NIBAN1: variants seen among roughly 807,000 people sequenced by gnomAD.
NIBAN1 encodes the protein niban apoptosis regulator 1.
In NIBAN1, 81 loss-of-function variants were observed where a neutral mutation model predicts 75.1. The observed-to-expected ratio is 1.08, with a 90% CI of 0.90 to 1.30. The LOEUF (loss-of-function observed/expected upper bound fraction) is 1.30. Ranked by LOEUF, NIBAN1 falls within the 50% of genes most tolerant of loss-of-function variation. The probability of loss-of-function intolerance (pLI) is 0.00; values close to 1 mark genes in which losing one functional copy is unlikely to be tolerated. For missense variants in NIBAN1, 1,133 were observed against 1,128.1 expected, an observed-to-expected ratio of 1.00 and a Z score of -0.06; for synonymous variants, 436 against 424.8, an observed-to-expected ratio of 1.03 and a Z score of -0.32.
intron 6 of NIBAN1, among the ~76,000 whole-genome samples, chr1:184,831,164 C>A (rs1261704991): frequency 1.3e-5 from 2 of 152,078 alleles, no homozygotes; most frequent in African/African-American, 2.4e-5. Flanking sequence ...TCCCTGGGAC[C>A]AAGCCCACTG....
At position 184,795,248 on chromosome 1, in the gene NIBAN1, G is replaced by A. The variant is rs745982422; in HGVS notation, c.2516C>T (p.Ser839Leu). The A allele has an allele frequency of 2.5e-6, 4 of 1,613,562 alleles. No homozygotes were observed. Among genetic ancestry groups the A allele is most frequent in the Non-Finnish European group, 3.4e-6 (4 of 1,180,052 alleles). Residue 839 changes from serine (S) to leucine (L), a missense_variant, in exon 14 of 14, where the codon TCA becomes TTA. Transcript: ENST00000367511. ...ACCTAAGGTGCAGCCCTCTTGCTGTGAGGCATCCCCTTCCTCGGTACACTT... is the reference window on the plus strand; with the variant it reads ...ACCTAAGGTGCAGCCCTCTTGCTGTAAGGCATCCCCTTCCTCGGTACACTT... Reference protein sequence around the residue: ...GGKCTEEGDASQQEGCTLGSD... With the variant: ...GGKCTEEGDALQQEGCTLGSD...
intron 4 of NIBAN1, among the ~76,000 whole-genome samples, chr1:184,885,193 C>T (rs922271964): frequency 2.9e-4 from 44 of 152,164 alleles, no homozygotes; most frequent in African/African-American, 8.7e-4. Context: ...GGATTATAGG[C>T]GCATACCACC....
chr1:184,880,024 T>C (rs1374529467), intron 5 of NIBAN1, among the ~76,000 whole-genome samples: 3 of 152,230 alleles, frequency 2.0e-5, no homozygotes, highest in Admixed American at 2.0e-4. Context: ...TGTCCTCTCT[T>C]TCTTTGTGTT....
chr1:184,974,189 C>A, intron 1 of NIBAN1, 113 bp downstream of exon 1: 1 of 1,113,474 alleles, frequency 9.0e-7, no homozygotes, highest in Non-Finnish European at 1.2e-6. Context: ...GTCGGGGATC[C>A]CCGCGCGCTA....
intron 1 of NIBAN1, among the ~76,000 whole-genome samples, chr1:184,973,586 G>C (rs1371110077): frequency 6.6e-6 from 1 of 152,202 alleles, no homozygotes; most frequent in African/African-American, 2.4e-5. Flanking sequence ...TGCAGTTTCA[G>C]TTCGGTTTGG....
At chr1:184,967,250 T>C (rs902746325) in intron 1 of NIBAN1, among the ~76,000 whole-genome samples, 3 of 151,920 alleles carry the variant, frequency 2.0e-5, no homozygotes, top group African/African-American at 7.3e-5. Flanking sequence ...TGTGTACATA[T>C]GTGTGTTAGT....
intron 9 of NIBAN1, among the ~76,000 whole-genome samples, chr1:184,813,280 T>TA (rs1654435262): frequency 1.3e-5 from 2 of 152,156 alleles, no homozygotes; most frequent in South Asian, 4.1e-4. Flanking sequence ...TAAACAAAAA[T>TA]AAGCACTTAC....
intron 9 of NIBAN1, among the ~76,000 whole-genome samples, chr1:184,810,128 C>T (rs751692604): frequency 1.3e-5 from 2 of 151,990 alleles, no homozygotes; most frequent in East Asian, 3.9e-4. Flanking sequence ...TGTTAATGCA[C>T]AATTATATAT....
In NIBAN1 at chr1:184,851,591, C is replaced by A. The variant is rs1319900328; in HGVS notation, c.602-19629G>T. 5.2e-4 allele frequency among the ~76,000 whole-genome samples: 13 copies of A among 24,804 alleles called. 4 individuals are homozygous for A. The highest frequency in any genetic ancestry group is 8.6e-4 in the Non-Finnish European group (11 of 12,838). 16.3% of individuals were successfully genotyped at this position (24,804 alleles called of 152,430 possible). ...CATGTATACATATGTAACTAACCTG[C>A]ACAATGTGCACATGTACCCTAAAAC... On this transcript the variant is annotated intron_variant, in intron 5 of 13. Transcript: ENST00000367511.
At chr1:184,829,206 G>A (rs1283306501) in intron 6 of NIBAN1, among the ~76,000 whole-genome samples, 1 of 152,016 alleles carries the variant, frequency 6.6e-6, no homozygotes, top group Non-Finnish European at 1.5e-5. Context: ...TTTTTATCCT[G>A]CAAAACTAGG....
At chr1:184,911,364 C>T (rs957757211) in intron 1 of NIBAN1, among the ~76,000 whole-genome samples, 6 of 152,114 alleles carry the variant, frequency 3.9e-5, no homozygotes, top group African/African-American at 1.4e-4. Context: ...ATTAAGTGAT[C>T]TAAGAAAGAC....
At chr1:184,884,121 G>A (rs1404820312) in intron 5 of NIBAN1, among the ~76,000 whole-genome samples, 8 of 151,648 alleles carry the variant, frequency 5.3e-5, no homozygotes, top group African/African-American at 1.9e-4. Context: ...TCCCAGGCCT[G>A]CCTGAAAACC....
chr1:184,811,637 AC>A (rs547625108), intron 9 of NIBAN1, among the ~76,000 whole-genome samples: 22 of 149,828 alleles, frequency 1.5e-4, no homozygotes, highest in Admixed American at 4.7e-4. Context: ...GACTACAGGC[AC>A]CCCGCCACCA....
intron 1 of NIBAN1, among the ~76,000 whole-genome samples, chr1:184,947,089 G>GAAAAAA (rs1480788472): frequency 1.4e-5 from 1 of 71,266 alleles, no homozygotes; most frequent in African/African-American, 6.3e-5. Flanking sequence ...GAAAAGAAAA[G>GAAAAAA]AAAAGAAATG....
chr1:184,804,405 G>A (rs117928645), intron 11 of NIBAN1, among the ~76,000 whole-genome samples: 1 of 152,216 alleles, frequency 6.6e-6, no homozygotes, highest in Non-Finnish European at 1.5e-5. Flanking sequence ...GTGGAAGAAG[G>A]TTATGAATGA....
chr1:184,964,256 C>A (rs571097448), intron 1 of NIBAN1, among the ~76,000 whole-genome samples: 1 of 152,296 alleles, frequency 6.6e-6, no homozygotes, highest in East Asian at 1.9e-4. Flanking sequence ...GAGCTCCCTT[C>A]AGTCAGGACT....
At chr1:184,840,520 G>A (rs1309363291) in intron 5 of NIBAN1, among the ~76,000 whole-genome samples, 1 of 152,000 alleles carries the variant, frequency 6.6e-6, no homozygotes, top group African/African-American at 2.4e-5. Context: ...TTCTAGTAAA[G>A]ACATTGTTCT....
chr1:184,941,665 A>C (rs1053560768), intron 1 of NIBAN1, among the ~76,000 whole-genome samples: 4 of 152,008 alleles, frequency 2.6e-5, no homozygotes, highest in African/African-American at 7.3e-5. Flanking sequence ...AAAAAAAAAA[A>C]AAAAAACCTG....
intron 1 of NIBAN1, among the ~76,000 whole-genome samples, chr1:184,907,741 C>G (rs1245050517): frequency 6.6e-6 from 1 of 152,176 alleles, no homozygotes; most frequent in Non-Finnish European, 1.5e-5. Context: ...CATAATTGAA[C>G]TGAAGGGAGT....
Sources: allele counts gnomAD v4.1 joint callset (sites outside exome capture counted in the v4.1 genomes callset), GRCh38; gene constraint gnomAD v4.1.1; transcripts MANE v1.5; gene names NCBI Gene and HGNC (gene_info 2026-07-23, HGNC 2026-07-21).